The following DOCK1 variants were observed in gnomAD, a reference collection of about 807,000 sequenced individuals.
DOCK1 encodes dedicator of cytokinesis protein 1.
A neutral mutation model predicts 262.7 loss-of-function variants in DOCK1; 138 were observed. The observed-to-expected ratio is 0.53, with a 90% confidence interval of 0.46 to 0.61. The LOEUF (loss-of-function observed/expected upper bound fraction) is 0.61, where lower values mean the gene tolerates loss of function less well. DOCK1 is among the 20% of genes least tolerant of loss of function. The probability of loss-of-function intolerance (pLI) is 0.00; values close to 1 mark genes in which losing one functional copy is unlikely to be tolerated. For missense variants in DOCK1, 1,908 were observed against 2,370.7 expected (o/e 0.80, Z 4.05); for synonymous variants, 866 against 867.4 (o/e 1.00, Z 0.03).
At chr10:126,984,793 C>G (rs2039246381) in intron 4 of DOCK1, among the ~76,000 whole-genome samples, 1 of 152,038 alleles carries the variant, frequency 6.6e-6, no homozygotes, top group African/African-American at 2.4e-5. Flanking sequence ...ACCTTACATA[C>G]TTATCATTTG....
intron 1 of DOCK1, among the ~76,000 whole-genome samples, chr10:126,955,585 A>G (rs2036667063): frequency 6.6e-6 from 1 of 152,050 alleles, no homozygotes; most frequent in African/African-American, 2.4e-5. Context: ...GCTGCTGGGG[A>G]AGACAGGCTG....
chr10:127,278,771 C>T (rs983815764), intron 29 of DOCK1, among the ~76,000 whole-genome samples: 2 of 152,148 alleles, frequency 1.3e-5, no homozygotes, highest in African/African-American at 2.4e-5. Flanking sequence ...GTTAGCAAAC[C>T]CATGAGATGC....
chr10:126,941,444 T>A (rs2034971430), intron 1 of DOCK1, among the ~76,000 whole-genome samples: 2 of 152,180 alleles, frequency 1.3e-5, no homozygotes, highest in South Asian at 4.1e-4. Context: ...AACAAAAACA[T>A]CTTCAAAACC....
At chr10:127,156,950 T>C (rs2053145241) in intron 27 of DOCK1, among the ~76,000 whole-genome samples, 1 of 152,210 alleles carries the variant, frequency 6.6e-6, no homozygotes, top group Non-Finnish European at 1.5e-5. Context: ...TCCATTACGG[T>C]CAGTAAGCAA....
chr10:127,110,487 G>A lies in DOCK1; in HGVS notation c.2623+133G>A, dbSNP rs908604352. 4 of 763,348 alleles carry A rather than the reference G, an allele frequency of 5.2e-6. No individual in the cohort carries two copies. In the African/African-American group the frequency reaches 6.9e-5, roughly 13 times the overall value. The allele number at this position is 763,348 out of a possible 1,614,324, so 47.3% of individuals were successfully genotyped here. On this transcript the variant is annotated intron_variant, in intron 25 of 51. Coordinates refer to ENST00000623213, the MANE Select transcript of DOCK1 (RefSeq NM_001290223.2). ...TTAAAACTGCTGTATTACAAGACAG[G>A]AAGATTTAGCCCTTACAAGAGAAGG...
In DOCK1 at chr10:127,061,680, C is replaced by T. The variant is rs1197043069; in HGVS notation, c.2349C>T (p.Asn783=). The change falls in exon 23 of 52, where the codon AAC becomes AAT. Residue 783 remains asparagine, a synonymous_variant. Coordinates refer to ENST00000623213, the MANE Select transcript of DOCK1 (RefSeq NM_001290223.2). ...TGTTTCTTTGCAGACTGTATGAAAA[C>T]AAGGGAGAGGCTGACTTCGTGGAAT... is the stretch of plus-strand genomic sequence containing the variant. ...SRILFNQLYE[N]KGEADFVESL... 2.5e-6 allele frequency: 4 copies of T among 1,598,382 alleles called. No homozygotes were observed. Among genetic ancestry groups the T allele is most frequent in the Non-Finnish European group, 3.4e-6 (4 of 1,172,342 alleles).
chr10:127,433,411 C>T lies in DOCK1; in HGVS notation c.5043C>T (p.Ser1681=). 1 of 1,614,022 alleles carries T rather than the reference C, an allele frequency of 6.2e-7. No homozygotes were observed. The highest frequency in any genetic ancestry group is 8.5e-7 in the Non-Finnish European group (1 of 1,179,892). ...CCCTCTCATCGGACAGCACCCCTTC[C>T]AGACCAGGCTCCGACGGGTGAGTCA... ...VSSLSSDSTP[S]RPGSDGFALE... is the part of the protein sequence containing the mutation. The change falls in exon 48 of 52, where the codon TCC becomes TCT. Residue 1681 remains serine, a synonymous_variant. Coordinates refer to ENST00000623213, the MANE Select transcript of DOCK1 (RefSeq NM_001290223.2).
chr10:127,403,652 G>A (rs770342124), intron 39 of DOCK1, among the ~76,000 whole-genome samples: 1 of 152,178 alleles, frequency 6.6e-6, no homozygotes, highest in Non-Finnish European at 1.5e-5. Context: ...CTGGCTACTT[G>A]GGAGGCTGAG....
At chr10:127,063,058 G>A (rs1024636646) in intron 23 of DOCK1, among the ~76,000 whole-genome samples, 19 of 152,280 alleles carry the variant, frequency 1.2e-4, no homozygotes, top group African/African-American at 4.1e-4. Flanking sequence ...TAGTTATGGC[G>A]GTTTTCACTG....
intron 44 of DOCK1, 83 bp from the exon 45 acceptor site, chr10:127,418,282 C>A: frequency 2.1e-6 from 3 of 1,431,552 alleles, no homozygotes; most frequent in Non-Finnish European, 2.8e-6. Flanking sequence ...GAAGCCTGCC[C>A]CAGAGCACGT....
intron 25 of DOCK1, among the ~76,000 whole-genome samples, chr10:127,111,264 G>C (rs576495694): frequency 8.0e-4 from 121 of 152,172 alleles, no homozygotes; most frequent in Non-Finnish European, 1.5e-3. Context: ...AAATGCACCA[G>C]AGTGTACACG....
intron 27 of DOCK1, among the ~76,000 whole-genome samples, chr10:127,169,865 A>G (rs977489103): frequency 5.1e-4 from 78 of 151,946 alleles, no homozygotes; most frequent in African/African-American, 1.8e-3. Context: ...AGTTGAGCAA[A>G]CCTTGGTACA....
intron 29 of DOCK1, among the ~76,000 whole-genome samples, chr10:127,281,940 A>G (rs1233439847): frequency 1.3e-5 from 2 of 152,282 alleles, no homozygotes; most frequent in East Asian, 1.9e-4. Context: ...GGGGTGTCCA[A>G]TCTTTTGGCT....
Position 127,433,295 on chromosome 10 carries a change from G to A in DOCK1, c.4927G>A (p.Asp1643Asn). The change falls in exon 48 of 52, where the codon GAT becomes AAT. Residue 1643 changes from aspartate to asparagine, a missense_variant. By Grantham distance (23) the Asp-to-Asn change is conservative. Transcript: ENST00000623213. ...YGVRIMPSSL[D>N]DRRGSRPRSM... is the part of the protein sequence containing the mutation. ...TTCTCGCTCTCAGCCCTCAAGTCTG[G>A]ATGATAGAAGAGGCAGCCGCCCCCG... 6.2e-7 allele frequency: 1 copy of A among 1,613,938 alleles called. No homozygotes were observed. The highest frequency in any genetic ancestry group is 1.7e-4 in the Middle Eastern group (1 of 6,060).
intron 1 of DOCK1, among the ~76,000 whole-genome samples, chr10:126,953,262 GT>G (rs2036468769): frequency 6.7e-6 from 1 of 149,900 alleles, no homozygotes; most frequent in Admixed American, 6.6e-5. Context: ...ATTGGTGATG[GT>G]GGTGGTGGTA....
intron 32 of DOCK1, among the ~76,000 whole-genome samples, chr10:127,360,685 A>G (rs554587766): frequency 6.6e-6 from 1 of 152,328 alleles, no homozygotes; most frequent in South Asian, 2.1e-4. Flanking sequence ...GGGAGTGGAC[A>G]GCTCAAACGA....
At chr10:126,965,641 C>A (rs1269451626) in intron 1 of DOCK1, among the ~76,000 whole-genome samples, 3 of 152,136 alleles carry the variant, frequency 2.0e-5, no homozygotes, top group Non-Finnish European at 2.9e-5. Flanking sequence ...CTGTTTTCAT[C>A]TGTGAAGTGG....
chr10:127,381,886 A>G (rs573691812), intron 37 of DOCK1, among the ~76,000 whole-genome samples: 14 of 152,248 alleles, frequency 9.2e-5, no homozygotes, highest in South Asian at 4.2e-4. Flanking sequence ...TGGCATGACA[A>G]CTGTCTACTC....
intron 27 of DOCK1, among the ~76,000 whole-genome samples, chr10:127,228,374 CTT>C (rs1275398430): frequency 6.6e-6 from 1 of 152,172 alleles, no homozygotes; most frequent in African/African-American, 2.4e-5. Flanking sequence ...GGAAGTCTCA[CTT>C]TGTTTTTCAT....
Sources: gnomAD v4.1 joint callset for allele counts (sites outside exome capture counted in the v4.1 genomes callset) on GRCh38, gnomAD v4.1.1 for gene constraint, MANE v1.5 for transcripts, NCBI Gene and HGNC (gene_info 2026-07-23, HGNC 2026-07-21) for gene names.